The following SEC22C variants were observed in gnomAD, a reference collection of about 807,000 sequenced individuals.
The protein encoded by SEC22C is vesicle-trafficking protein SEC22c.
Under a neutral mutation model 34.7 loss-of-function variants are expected in SEC22C, and 29 were observed. The ratio of observed to expected loss-of-function variants is 0.84; its 90% confidence interval spans 0.62 to 1.14. The LOEUF (loss-of-function observed/expected upper bound fraction) is 1.14. Among genes scored for constraint, SEC22C ranks in the 50% most tolerant of loss-of-function variants. The pLI is 0.00. For missense variants in SEC22C, 337 were observed against 369.0 expected (o/e 0.91, Z 0.71); for synonymous variants, 117 against 132.8 (o/e 0.88, Z 0.82).
At position 42,550,347 on chromosome 3, in the gene SEC22C, G is replaced by C; in HGVS notation, c.*2901C>G. ...GTGCTACAACAACAGTGAGTCCATG[G>C]TGGAGTGAGGATAACTCCTGGGATT... On this transcript the variant is annotated 3_prime_UTR_variant, in exon 7 of 7. Transcript: ENST00000264454. 5 of 985,464 alleles carry C rather than the reference G, an allele frequency of 5.1e-6. No individual in the cohort carries two copies. Among genetic ancestry groups the C allele is most frequent in the Non-Finnish European group, 6.0e-6 (5 of 829,960 alleles). The allele number at this position is 985,464 out of a possible 1,614,324, so 61.0% of individuals were successfully genotyped here. A position where few individuals can be genotyped will look rare whatever the true frequency, so the allele number is the denominator to read the frequency against.
chr3:42,583,008 T>C (rs2125733407), upstream of SEC22C, among the ~76,000 whole-genome samples: 1 of 152,292 alleles, frequency 6.6e-6, no homozygotes, highest in South Asian at 2.1e-4. Flanking sequence ...AAAATGGTTA[T>C]GTACATTTTA....
At chr3:42,579,149 T>G (rs1015374850) in intron 1 of SEC22C, among the ~76,000 whole-genome samples, 1 of 152,092 alleles carries the variant, frequency 6.6e-6, no homozygotes, top group East Asian at 1.9e-4. Context: ...TGGTGGTACA[T>G]GCCTGTAATC....
intron 1 of SEC22C, chr3:42,594,759 T>C (rs1704982111): frequency 3.1e-6 from 1 of 320,540 alleles, no homozygotes; most frequent in South Asian, 5.4e-5. Flanking sequence ...TCCTCTTTCC[T>C]GAACTTGGAG....
intron 1 of SEC22C, chr3:42,591,045 G>A (rs1704815579): frequency 1.4e-6 from 2 of 1,461,528 alleles, no homozygotes; most frequent in East Asian, 4.9e-5. Flanking sequence ...GAAGCATCCT[G>A]TAGTGAGCGG....
At chr3:42,555,583 A>AT (rs1294206134) in intron 6 of SEC22C, among the ~76,000 whole-genome samples, 7 of 152,234 alleles carry the variant, frequency 4.6e-5, no homozygotes, top group Admixed American at 4.6e-4. Context: ...GCACAAGGCA[A>AT]TATCTTGCCA....
intron 1 of SEC22C, among the ~76,000 whole-genome samples, chr3:42,589,718 G>A (rs542432130): frequency 5.3e-5 from 8 of 152,326 alleles, no homozygotes; most frequent in African/African-American, 1.9e-4. Flanking sequence ...AATGCCTGCT[G>A]ATGTGAGGTA....
intron 1 of SEC22C, chr3:42,594,869 A>T (rs1183468159): frequency 6.0e-6 from 1 of 166,318 alleles, no homozygotes; most frequent in Non-Finnish European, 1.3e-5. Flanking sequence ...AATTGGTGAG[A>T]TTCCTGACTT....
At chr3:42,577,108 C>G (rs1399692743) in intron 1 of SEC22C, among the ~76,000 whole-genome samples, 1 of 151,800 alleles carries the variant, frequency 6.6e-6, no homozygotes, top group Non-Finnish European at 1.5e-5. Context: ...TAAAAATTAA[C>G]TAAAAATTTA....
At chr3:42,591,201 C>CTTTT (rs71616053) in intron 1 of SEC22C, 9,467 of 483,410 alleles carry the variant, frequency 0.02, 27 homozygotes, top group South Asian at 0.035. Flanking sequence ...CCTTTCTCTC[C>CTTTT]TTTTTTTTTT....
chr3:42,548,657 C>T lies in SEC22C; in HGVS notation c.*4591G>A, dbSNP rs1311880310. 6.2e-7 allele frequency: 1 copy of T among 1,613,986 alleles called. No homozygotes were observed. The highest frequency in any genetic ancestry group is 1.7e-5 in the Admixed American group (1 of 60,006). Reference sequence around the variant, plus strand: ...AACCAGCAGAACCAGCTCCTTGGATCCTGGAATAAACCAAACATCAATGGT... The same window carrying T: ...AACCAGCAGAACCAGCTCCTTGGATTCTGGAATAAACCAAACATCAATGGT... On this transcript the variant is annotated 3_prime_UTR_variant, in exon 7 of 7. Coordinates refer to ENST00000264454, the MANE Select transcript of SEC22C (RefSeq NM_032970.4).
rs368242581 is a variant in SEC22C, at chr3:42,581,927, C to G, written c.-109G>C. 3.2e-4 allele frequency: 48 copies of G among 152,340 alleles called. 1 individual carries two copies. The highest frequency in any genetic ancestry group is 1.1e-3 in the African/African-American group (45 of 41,490). 9.4% of individuals were successfully genotyped at this position (152,340 alleles called of 1,614,324 possible). ...CAGCAATCTTAGCCGACCGGGAGGG[C>G]TCGGCCCAGGTCACCGGCAGCCCAG... On this transcript the variant is annotated 5_prime_UTR_variant, in exon 1 of 7. Coordinates refer to ENST00000264454, the MANE Select transcript of SEC22C (RefSeq NM_032970.4).
intron 1 of SEC22C, among the ~76,000 whole-genome samples, chr3:42,587,774 C>T (rs1476920850): frequency 1.3e-5 from 2 of 150,534 alleles, no homozygotes; most frequent in African/African-American, 4.9e-5. Context: ...AAACCTCACT[C>T]AAAACCTTCG....
At chr3:42,565,562 T>G (rs1166458544) in intron 2 of SEC22C, among the ~76,000 whole-genome samples, 1 of 151,984 alleles carries the variant, frequency 6.6e-6, no homozygotes, top group Non-Finnish European at 1.5e-5. Context: ...TGGATTAGGG[T>G]GGGCCCTCAT....
chr3:42,599,636 G>T (rs1705192483), intron 1 of SEC22C, among the ~76,000 whole-genome samples: 1 of 150,716 alleles, frequency 6.6e-6, no homozygotes, highest in Non-Finnish European at 1.5e-5. Context: ...AGCTTGCAGT[G>T]AGCCGAGATC....
intron 5 of SEC22C, among the ~76,000 whole-genome samples, chr3:42,556,462 G>C (rs1039196309): frequency 6.6e-6 from 1 of 152,214 alleles, no homozygotes; most frequent in East Asian, 1.9e-4. Flanking sequence ...ATCTGGCTAA[G>C]AGCAATCATA....
intron 1 of SEC22C, chr3:42,594,549 G>A (rs773890551): frequency 1.8e-5 from 28 of 1,543,416 alleles, no homozygotes; most frequent in Middle Eastern, 1.9e-4. Context: ...TTTGGCTGTC[G>A]TGAGGAGTAA....
chr3:42,553,910 A>G (rs1183039647), intron 6 of SEC22C, among the ~76,000 whole-genome samples: 1 of 152,130 alleles, frequency 6.6e-6, no homozygotes, highest in African/African-American at 2.4e-5. Context: ...CTGAGCCACG[A>G]CTACATTGAG....
chr3:42,597,270 G>A (rs992166769), intron 1 of SEC22C, among the ~76,000 whole-genome samples: 1 of 152,100 alleles, frequency 6.6e-6, no homozygotes, highest in Non-Finnish European at 1.5e-5. Context: ...AAGGTGACAT[G>A]GACGGCTGGG....
intron 1 of SEC22C, among the ~76,000 whole-genome samples, chr3:42,571,619 C>A (rs1703635141): frequency 6.6e-6 from 1 of 152,062 alleles, no homozygotes; most frequent in African/African-American, 2.4e-5. Flanking sequence ...AATAATAATA[C>A]AAAAAGGAAG....
Sources: allele counts gnomAD v4.1 joint callset (sites outside exome capture counted in the v4.1 genomes callset), GRCh38; gene constraint gnomAD v4.1.1; transcripts MANE v1.5; gene names NCBI Gene and HGNC (gene_info 2026-07-23, HGNC 2026-07-21).